The following CNBD1 variants were observed in gnomAD, a reference collection of about 807,000 sequenced individuals.
The protein encoded by CNBD1 is cyclic nucleotide binding domain containing 1.
Under a neutral mutation model 54.4 loss-of-function variants are expected in CNBD1, and 71 were observed. The observed-to-expected ratio is 1.30, with a 90% CI of 1.08 to 1.59. The LOEUF (loss-of-function observed/expected upper bound fraction) is 1.59, where lower values mean the gene tolerates loss of function less well. CNBD1 is among the 40% of genes most tolerant of loss of function. The pLI is 0.00. For synonymous variants in CNBD1, 182 were observed against 170.7 expected (o/e 1.07, Z -0.51); for missense variants, 659 against 518.0 (o/e 1.27, Z -2.64).
chr8:87,118,340 A>T lies in CNBD1; in HGVS notation c.432-87653A>T, dbSNP rs374834156. 8.1e-3 allele frequency among the ~76,000 whole-genome samples: 1,165 copies of T among 143,778 alleles called. 19 individuals carry two copies. The highest frequency in any genetic ancestry group is 0.025 in the African/African-American group (985 of 38,990). The allele number at this position is 143,778 out of a possible 152,430, so 94.3% of individuals were successfully genotyped here. On this transcript the variant is annotated intron_variant, in intron 4 of 10. Transcript: ENST00000518476. Reference sequence around the variant, plus strand: ...AAAAAAAAAAAAAAAAAAAAAAAATAGAGCGGTACAACGGTATATGAGAAT... The same window carrying T: ...AAAAAAAAAAAAAAAAAAAAAAAATTGAGCGGTACAACGGTATATGAGAAT...
At chr8:86,891,864 T>G (rs73268025) in intron 2 of CNBD1, among the ~76,000 whole-genome samples, 2,533 of 152,150 alleles carry the variant, frequency 0.017, 69 homozygotes, top group African/African-American at 0.056. Context: ...AGGATTTTTT[T>G]GGGTGGTTTG....
At chr8:87,421,507 T>C (rs1173663560) in intron 2 of CNBD1, among the ~76,000 whole-genome samples, 1 of 147,036 alleles carries the variant, frequency 6.8e-6, no homozygotes, top group Non-Finnish European at 1.5e-5. Context: ...TTCCCACCTA[T>C]GAGTGAGAAT....
chr8:86,970,370 GT>G (rs907522461), intron 4 of CNBD1, among the ~76,000 whole-genome samples: 1 of 151,940 alleles, frequency 6.6e-6, no homozygotes, highest in Non-Finnish European at 1.5e-5. Flanking sequence ...TTCAGTTTAT[GT>G]TTTCTTTTGC....
At chr8:87,183,939 G>A (rs759307739) in intron 4 of CNBD1, among the ~76,000 whole-genome samples, 4 of 152,118 alleles carry the variant, frequency 2.6e-5, no homozygotes, top group African/African-American at 4.8e-5. Context: ...GTTCACTGGC[G>A]ACAACACTCC....
intron 4 of CNBD1, among the ~76,000 whole-genome samples, chr8:87,070,235 T>A (rs746071222): frequency 1.3e-5 from 2 of 152,086 alleles, no homozygotes; most frequent in African/African-American, 2.4e-5. Context: ...TCACCACCTC[T>A]TCCTTTTATA....
At chr8:86,874,966 A>G (rs932867122) in intron 1 of CNBD1, among the ~76,000 whole-genome samples, 8 of 141,960 alleles carry the variant, frequency 5.6e-5, no homozygotes, top group African/African-American at 1.9e-4. Context: ...ATTCACATTT[A>G]TATTTGTTTG....
intron 5 of CNBD1, 126 bp downstream of exon 5, chr8:87,206,264 TG>T: frequency 1.4e-6 from 1 of 719,102 alleles, no homozygotes; most frequent in South Asian, 3.1e-5. Context: ...ATGTACTATT[TG>T]GGTGTGTTTC....
intron 2 of CNBD1, among the ~76,000 whole-genome samples, chr8:87,416,463 T>A (rs1167740025): frequency 6.6e-6 from 1 of 151,966 alleles, no homozygotes; most frequent in Non-Finnish European, 1.5e-5. Context: ...ACATTCCCTA[T>A]CCAGCTCTGG....
chr8:86,996,172 C>T (rs1206744633), intron 4 of CNBD1, among the ~76,000 whole-genome samples: 2 of 151,948 alleles, frequency 1.3e-5, no homozygotes, highest in Non-Finnish European at 2.9e-5. Context: ...CTAGATGTTT[C>T]CTAAGGCTAT....
chr8:87,393,079 G>A (rs1586075539), intron 2 of CNBD1, among the ~76,000 whole-genome samples: 2 of 151,904 alleles, frequency 1.3e-5, no homozygotes. Flanking sequence ...TAAATATGAG[G>A]ATGTCATTTA....
At chr8:86,906,890 G>T (rs1159711859) in intron 3 of CNBD1, among the ~76,000 whole-genome samples, 1 of 152,206 alleles carries the variant, frequency 6.6e-6, no homozygotes, top group African/African-American at 2.4e-5. Context: ...TGGTTTAAAT[G>T]TGAAAATAAA....
At chr8:86,902,565 T>A (rs770337723) in intron 2 of CNBD1, among the ~76,000 whole-genome samples, 1 of 152,176 alleles carries the variant, frequency 6.6e-6, no homozygotes, top group African/African-American at 2.4e-5. Flanking sequence ...ATATAGAGAA[T>A]CCTGAAAGTG....
At chr8:87,394,241 C>T (rs78652216) in intron 2 of CNBD1, among the ~76,000 whole-genome samples, 1,902 of 151,890 alleles carry the variant, frequency 0.013, 46 homozygotes, top group African/African-American at 0.043. Flanking sequence ...AGACTCCTAA[C>T]AATGCAAAGC....
chr8:87,078,140 TATA>T (rs935776941), intron 4 of CNBD1, among the ~76,000 whole-genome samples: 2 of 152,176 alleles, frequency 1.3e-5, no homozygotes, highest in African/African-American at 4.8e-5. Flanking sequence ...AGCTTCAGGA[TATA>T]ATATTTTAAA....
At chr8:87,320,043 G>A (rs1360916139) in intron 8 of CNBD1, among the ~76,000 whole-genome samples, 4 of 152,016 alleles carry the variant, frequency 2.6e-5, no homozygotes, top group Non-Finnish European at 5.9e-5. Flanking sequence ...CCAAAATCAA[G>A]TACAGACTTC....
At chr8:86,956,382 C>G (rs1002801929) in intron 4 of CNBD1, among the ~76,000 whole-genome samples, 3 of 152,142 alleles carry the variant, frequency 2.0e-5, no homozygotes, top group Admixed American at 1.3e-4. Context: ...TCATTGGTAG[C>G]TTGATGGGGA....
intron 4 of CNBD1, among the ~76,000 whole-genome samples, chr8:86,999,696 C>G (rs1808953715): frequency 6.6e-6 from 1 of 152,204 alleles, no homozygotes; most frequent in African/African-American, 2.4e-5. Flanking sequence ...CCTCAAACTT[C>G]AGAGGATACA....
At chr8:86,926,870 G>C (rs1809369786) in intron 3 of CNBD1, among the ~76,000 whole-genome samples, 1 of 152,168 alleles carries the variant, frequency 6.6e-6, no homozygotes, top group Non-Finnish European at 1.5e-5. Flanking sequence ...TCTGGCTTCT[G>C]TAGCAGTAGC....
At position 87,382,783 on chromosome 8, in the gene CNBD1, C is replaced by T. The variant is rs1811107983; in HGVS notation, c.*156C>T. The T allele has an allele frequency of 2.2e-6, 1 of 459,816 alleles. No homozygotes were observed. The highest frequency in any genetic ancestry group is 2.0e-5 in the African/African-American group (1 of 50,710). The allele number at this position is 459,816 out of a possible 1,614,324, so 28.5% of individuals were successfully genotyped here. On this transcript the variant is annotated 3_prime_UTR_variant, in exon 11 of 11. Transcript: ENST00000518476. The stretch of plus-strand genomic sequence containing the variant: ...CAGGAAAGTCCCACTTTCGAATTGC[C>T]TTTCAAACACAGTTTTTATTAGCAG...
Sources: gnomAD v4.1 joint callset for allele counts (sites outside exome capture counted in the v4.1 genomes callset) on GRCh38, gnomAD v4.1.1 for gene constraint, MANE v1.5 for transcripts, NCBI Gene and HGNC (gene_info 2026-07-23, HGNC 2026-07-21) for gene names.